Variants in PIGB observed in about 807,000 individuals in gnomAD.
PIGB encodes the protein phosphatidylinositol glycan anchor biosynthesis class B, also known as GPI alpha-1,2-mannosyltransferase 3.
In PIGB, 58 loss-of-function variants were observed where a neutral mutation model predicts 68.4. That is an observed-to-expected ratio of 0.85 (90% CI 0.69 to 1.06). The LOEUF is 1.06. Among genes scored for constraint, PIGB ranks in the 50% least tolerant of loss-of-function variants. The pLI is 0.00. For synonymous variants in PIGB, 219 were observed against 220.5 expected (o/e 0.99, Z 0.06); for missense variants, 634 against 655.8 (o/e 0.97, Z 0.36).
intron 9 of PIGB, among the ~76,000 whole-genome samples, chr15:55,342,633 C>T (rs2055697370): frequency 6.6e-6 from 1 of 152,202 alleles, no homozygotes; most frequent in Non-Finnish European, 1.5e-5. Context: ...CTCAGGTGAT[C>T]CACCCGCCTC....
rs770398282 is a variant in PIGB at position 55,319,365 on chromosome 15, T to A, written c.115T>A (p.Ser39Thr). The change falls in exon 1 of 12, where the codon TCT becomes ACT. Residue 39 changes from serine (S) to threonine (T), a missense_variant. Transcript: ENST00000164305. ...CAAGATAAAGCTGCGAAAGAGAAAG[T>A]CTACCTTGTACTTCAACACCCAGGA... ...HGKIKLRKRKSTLYFNTQEKS... is the reference protein window; with the variant it reads ...HGKIKLRKRKTTLYFNTQEKS... 1 of 1,558,528 alleles carries A rather than the reference T, an allele frequency of 6.4e-7. No homozygotes were observed. The highest frequency in any genetic ancestry group is 8.7e-7 in the Non-Finnish European group (1 of 1,150,574).
At chr15:55,326,215 G>A (rs1395789619) in intron 3 of PIGB, among the ~76,000 whole-genome samples, 2 of 145,916 alleles carry the variant, frequency 1.4e-5, no homozygotes, top group African/African-American at 5.1e-5. Context: ...AAAAGACTCC[G>A]TCTCAAAAAA....
At chr15:55,345,454 A>G (rs2055770198) in intron 9 of PIGB, among the ~76,000 whole-genome samples, 1 of 152,152 alleles carries the variant, frequency 6.6e-6, no homozygotes, top group African/African-American at 2.4e-5. Context: ...CCTTAACAAA[A>G]TAGCAACATA....
chr15:55,325,959 G>A (rs2055273674), intron 3 of PIGB, among the ~76,000 whole-genome samples: 2 of 152,102 alleles, frequency 1.3e-5, no homozygotes. Flanking sequence ...CACGTTGGGA[G>A]GCCGAGGCAG....
At chr15:55,340,411 G>A (rs1015012656) in intron 7 of PIGB, 5 of 285,962 alleles carry the variant, frequency 1.7e-5, no homozygotes, top group Admixed American at 1.0e-4. Context: ...AGCCGAGATC[G>A]CGCCACTGCA....
chr15:55,347,995 T>C (rs1310372213), intron 9 of PIGB, among the ~76,000 whole-genome samples: 1 of 145,228 alleles, frequency 6.9e-6, no homozygotes, highest in African/African-American at 2.5e-5. Context: ...TTTTTTTTTT[T>C]TTTTTTTTTT....
At chr15:55,320,460 A>C (rs1349690198) in intron 2 of PIGB, 50 bp downstream of exon 2, 1 of 1,568,942 alleles carries the variant, frequency 6.4e-7, no homozygotes, top group East Asian at 2.2e-5. Flanking sequence ...TTCATCTTGG[A>C]AATTGTGCTC....
Position 55,340,823 on chromosome 15 carries a change from G to T in PIGB, c.1058G>T (p.Ser353Ile). The change falls in exon 8 of 12, where the codon AGC (serine) becomes ATC (isoleucine). Residue 353 changes from serine (S) to isoleucine (I), a missense_variant and splice_region_variant. Transcript: ENST00000164305. ...VTVLWTLLVY[S>I]MLSHKEFRFI... The stretch of plus-strand genomic sequence containing the variant: ...GTGCTGTGGACACTGCTTGTTTATA[G>T]GTAAGATTTTATTTGTTCAAAAGGC... 1 of 1,558,110 alleles carries T rather than the reference G, an allele frequency of 6.4e-7. No homozygotes were observed. The highest frequency in any genetic ancestry group is 8.7e-7 in the Non-Finnish European group (1 of 1,146,188).
intron 3 of PIGB, among the ~76,000 whole-genome samples, chr15:55,323,743 G>A (rs1471398576): frequency 6.6e-6 from 1 of 152,194 alleles, no homozygotes; most frequent in East Asian, 1.9e-4. Flanking sequence ...CATCTCTGTT[G>A]TTACTTTTTA....
At chr15:55,354,520 G>A (rs945205069) in intron 10 of PIGB, 1 of 313,146 alleles carries the variant, frequency 3.2e-6, no homozygotes, top group Non-Finnish European at 5.7e-6. Context: ...ACAGAATGTT[G>A]AGTCCCCCTA....
rs543935886 is a variant in PIGB at position 55,354,412 on chromosome 15, T to G, written c.1338-386T>G. On this transcript the variant is annotated intron_variant, in intron 10 of 11. Transcript: ENST00000164305. ...TCTGATTATGATCACAGTTTCCTAC[T>G]TTATCAAATACACCTATGGAGAATT... Among the ~76,000 whole-genome samples the G allele has an allele frequency of 7.1e-4, 104 of 145,698 alleles. 1 individual carries two copies. The highest frequency in any genetic ancestry group is 2.2e-3 in the African/African-American group (89 of 41,004).
At chr15:55,355,182 C>T in intron 11 of PIGB, 104 bp from the exon 12 acceptor site, 1 of 999,618 alleles carries the variant, frequency 1.0e-6, no homozygotes, top group Non-Finnish European at 1.5e-6. Flanking sequence ...TTTTATTAAG[C>T]AAAAAGTTGT....
chr15:55,339,650 T>C (rs1239475007), intron 7 of PIGB, among the ~76,000 whole-genome samples: 2 of 152,242 alleles, frequency 1.3e-5, no homozygotes, highest in South Asian at 2.1e-4. Context: ...ATATGTCACA[T>C]TGTAAAGTAC....
At chr15:55,341,850 T>C in intron 9 of PIGB, 48 bp downstream of exon 9, 1 of 760,844 alleles carries the variant, frequency 1.3e-6, no homozygotes, top group Non-Finnish European at 2.0e-6. Flanking sequence ...AGAAATAGTC[T>C]AAAGACAACA....
chr15:55,335,004 C>A (rs909434595), intron 6 of PIGB, among the ~76,000 whole-genome samples: 11 of 152,232 alleles, frequency 7.2e-5, no homozygotes, highest in African/African-American at 2.4e-4. Context: ...CAGGCATGGG[C>A]CACCATGCCC....
chr15:55,354,103 G>A (rs2056005059), intron 10 of PIGB, among the ~76,000 whole-genome samples: 1 of 151,682 alleles, frequency 6.6e-6, no homozygotes, highest in Non-Finnish European at 1.5e-5. Flanking sequence ...CCTGAGGTTA[G>A]GAGTTCAGGA....
intron 6 of PIGB, among the ~76,000 whole-genome samples, chr15:55,336,772 G>A (rs1227669283): frequency 6.6e-6 from 1 of 152,222 alleles, no homozygotes; most frequent in Non-Finnish European, 1.5e-5. Context: ...CACATCACCT[G>A]AGGTCAGGAG....
In PIGB at chr15:55,340,664, G is replaced by T; in HGVS notation, c.899G>T (p.Gly300Val). 6.2e-7 allele frequency: 1 copy of T among 1,612,936 alleles called. No individual in the cohort carries two copies. Among genetic ancestry groups the T allele is most frequent in the South Asian group, 1.1e-5 (1 of 90,796 alleles). The change falls in exon 8 of 12, where the codon GGA becomes GTA. Residue 300 changes from glycine to valine, a missense_variant. Gly to Val is a moderately radical substitution (Grantham distance 109). Coordinates refer to ENST00000164305, the MANE Select transcript of PIGB (RefSeq NM_004855.5). The stretch of plus-strand genomic sequence containing the variant: ...AAATTTAACGTGCTGCAGAACTGGG[G>T]AACATTTTATGGTTCTCATCCATGG... ...FLKFNVLQNW[G>V]TFYGSHPWHW...
At chr15:55,338,993 G>A (rs2055601212) in intron 6 of PIGB, among the ~76,000 whole-genome samples, 2 of 152,180 alleles carry the variant, frequency 1.3e-5, no homozygotes, top group Admixed American at 6.5e-5. Flanking sequence ...CATAGTTTAA[G>A]TTAACAAGTT....
Sources: allele counts gnomAD v4.1 joint callset (sites outside exome capture counted in the v4.1 genomes callset), GRCh38; gene constraint gnomAD v4.1.1; transcripts MANE v1.5; gene names NCBI Gene and HGNC (gene_info 2026-07-23, HGNC 2026-07-21).